RPS6KA2: variants seen among roughly 807,000 people sequenced by gnomAD.
The protein encoded by RPS6KA2 is ribosomal protein S6 kinase A2, also known as ribosomal protein S6 kinase alpha-2.
In RPS6KA2, 42 loss-of-function variants were observed where a neutral mutation model predicts 91.8. The ratio of observed to expected loss-of-function variants is 0.46; its 90% CI spans 0.36 to 0.59. The LOEUF is 0.59. RPS6KA2 is among the 20% of genes least tolerant of loss of function. The probability of loss-of-function intolerance (pLI) is 0.00; values close to 1 mark genes in which losing one functional copy is unlikely to be tolerated. For synonymous variants in RPS6KA2, 414 were observed against 393.6 expected (o/e 1.05, Z -0.61); for missense variants, 798 against 978.5 (o/e 0.82, Z 2.46).
chr6:166,504,684 C>T (rs1583215551), intron 5 of RPS6KA2, 72 bp from the exon 6 acceptor site: 2 of 1,118,160 alleles, frequency 1.8e-6, no homozygotes, highest in African/African-American at 1.5e-5. Flanking sequence ...TTTTAAAGAA[C>T]TCTGCCAGAG....
At chr6:166,611,924 G>A (rs1225107202) in intron 1 of RPS6KA2, among the ~76,000 whole-genome samples, 3 of 152,140 alleles carry the variant, frequency 2.0e-5, no homozygotes, top group East Asian at 1.9e-4. Flanking sequence ...GGGCACACAC[G>A]CCCAGGATGC....
intron 3 of RPS6KA2, among the ~76,000 whole-genome samples, chr6:166,524,444 G>A (rs1782957835): frequency 1.3e-5 from 2 of 151,844 alleles, no homozygotes; most frequent in South Asian, 2.1e-4. Context: ...TGTGTTCTCC[G>A]TGCAGGCACC....
At chr6:166,455,772 A>G (rs573348397) in intron 12 of RPS6KA2, among the ~76,000 whole-genome samples, 1 of 152,308 alleles carries the variant, frequency 6.6e-6, no homozygotes, top group Admixed American at 6.5e-5. Flanking sequence ...TCTGGCTTTG[A>G]GGTCTGCCTC....
At chr6:166,766,564 A>G (rs578207639) in intron 2 of RPS6KA2, among the ~76,000 whole-genome samples, 1 of 152,342 alleles carries the variant, frequency 6.6e-6, no homozygotes, top group South Asian at 2.1e-4. Context: ...GCTGAATATG[A>G]TAAAACTTTG....
intron 2 of RPS6KA2, among the ~76,000 whole-genome samples, chr6:166,653,069 T>C (rs1787906419): frequency 6.6e-6 from 1 of 152,248 alleles, no homozygotes; most frequent in African/African-American, 2.4e-5. Context: ...AATGATTTTC[T>C]GTTGTTGTTC....
chr6:166,552,550 C>T (rs936606613), intron 1 of RPS6KA2, among the ~76,000 whole-genome samples: 1 of 151,960 alleles, frequency 6.6e-6, no homozygotes, highest in African/African-American at 2.4e-5. Flanking sequence ...TTAAATCTAC[C>T]CTAGCTTGAG....
chr6:166,651,328 TA>T (rs1210317383), intron 2 of RPS6KA2, among the ~76,000 whole-genome samples: 3 of 152,222 alleles, frequency 2.0e-5, no homozygotes, highest in Non-Finnish European at 2.9e-5. Flanking sequence ...AAGATTTTTT[TA>T]ACCAAATTAT....
chr6:166,702,794 A>AG, intron 2 of RPS6KA2: 3 of 1,091,366 alleles, frequency 2.7e-6, no homozygotes, highest in Non-Finnish European at 4.3e-6. Flanking sequence ...TCTAGGTCCA[A>AG]GGGGGCGGCG....
chr6:166,427,811 A>G (rs1778979973), intron 16 of RPS6KA2, among the ~76,000 whole-genome samples: 1 of 152,232 alleles, frequency 6.6e-6, no homozygotes, highest in Non-Finnish European at 1.5e-5. Context: ...GGATACAAAC[A>G]AATGGAAGAA....
At chr6:166,794,426 C>T (rs1226247840) in intron 2 of RPS6KA2, among the ~76,000 whole-genome samples, 1 of 151,838 alleles carries the variant, frequency 6.6e-6, no homozygotes, top group Non-Finnish European at 1.5e-5. Flanking sequence ...ACTAGTTCAA[C>T]CATTGTGGAA....
At chr6:166,760,747 C>A (rs779051147) in intron 2 of RPS6KA2, among the ~76,000 whole-genome samples, 11 of 152,184 alleles carry the variant, frequency 7.2e-5, no homozygotes, top group Non-Finnish European at 1.5e-4. Flanking sequence ...AAAGAAGAAT[C>A]GGATGGGGGA....
intron 14 of RPS6KA2, 96 bp from the exon 15 acceptor site, chr6:166,432,586 C>A: frequency 1.4e-6 from 1 of 706,050 alleles, no homozygotes; most frequent in South Asian, 1.8e-5. Flanking sequence ...AGTCTGGCCC[C>A]AGGTGGCCCA....
At chr6:166,704,454 AT>A (rs1789619834) in intron 2 of RPS6KA2, among the ~76,000 whole-genome samples, 1 of 152,262 alleles carries the variant, frequency 6.6e-6, no homozygotes, top group South Asian at 2.1e-4. Context: ...TGAAGATAAT[AT>A]AAAAGTTGCA....
chr6:166,756,239 G>A (rs561991283), intron 2 of RPS6KA2, among the ~76,000 whole-genome samples: 27 of 152,080 alleles, frequency 1.8e-4, no homozygotes, highest in African/African-American at 5.5e-4. Context: ...GCAGTGAGCC[G>A]AGATCGCACC....
intron 16 of RPS6KA2, among the ~76,000 whole-genome samples, chr6:166,428,641 G>C (rs1484052024): frequency 6.7e-6 from 1 of 148,476 alleles, no homozygotes; most frequent in South Asian, 2.1e-4. Flanking sequence ...AAAAGTGGGC[G>C]AAGGACATGA....
At chr6:166,731,242 C>CA (rs967424146) in intron 2 of RPS6KA2, among the ~76,000 whole-genome samples, 1 of 115,534 alleles carries the variant, frequency 8.7e-6, no homozygotes. Context: ...AACTCCGTCT[C>CA]AAAAAAAAGA....
intron 2 of RPS6KA2, among the ~76,000 whole-genome samples, chr6:166,534,680 A>T (rs1783424618): frequency 6.6e-6 from 1 of 152,216 alleles, no homozygotes; most frequent in Admixed American, 6.5e-5. Context: ...GGCCTTAAAG[A>T]TGAGATGACT....
intron 6 of RPS6KA2, among the ~76,000 whole-genome samples, chr6:166,503,364 T>G (rs1051113905): frequency 3.9e-5 from 6 of 152,252 alleles, no homozygotes; most frequent in African/African-American, 1.4e-4. Flanking sequence ...CCCAGCTGTT[T>G]CCCATAGATG....
intron 1 of RPS6KA2, chr6:166,862,105 C>A: frequency 6.2e-7 from 1 of 1,614,248 alleles, no homozygotes; most frequent in South Asian, 1.1e-5. Flanking sequence ...CTCCTGCACT[C>A]ACCTCTATTT....
Sources: allele counts gnomAD v4.1 joint callset (sites outside exome capture counted in the v4.1 genomes callset), GRCh38; gene constraint gnomAD v4.1.1; transcripts MANE v1.5; gene names NCBI Gene and HGNC (gene_info 2026-07-23, HGNC 2026-07-21).